The following ERG variants were observed in gnomAD, a reference collection of about 807,000 sequenced individuals.
ERG encodes the protein ETS transcription factor ERG.
A neutral mutation model predicts 55.3 loss-of-function variants in ERG; 9 were observed. The ratio of observed to expected loss-of-function variants is 0.16; its 90% CI spans 0.10 to 0.28. The LOEUF (loss-of-function observed/expected upper bound fraction) is 0.28, where lower values mean the gene tolerates loss of function less well. Ranked by LOEUF, ERG falls within the 10% of genes least tolerant of loss-of-function variation. The probability of loss-of-function intolerance (pLI) is 1.00; values close to 1 mark genes in which losing one functional copy is unlikely to be tolerated. For synonymous variants in ERG, 223 were observed against 237.3 expected (o/e 0.94, Z 0.55); for missense variants, 434 against 631.6 (o/e 0.69, Z 3.35).
chr21:38,452,779 TCA>T (rs2058953658), intron 1 of ERG, among the ~76,000 whole-genome samples: 1 of 152,242 alleles, frequency 6.6e-6, no homozygotes, highest in Non-Finnish European at 1.5e-5. Context: ...GGCTCTGGAC[TCA>T]CAGACTTTCT....
At chr21:38,571,012 G>A (rs2059954191) in intron 2 of ERG, among the ~76,000 whole-genome samples, 1 of 152,142 alleles carries the variant, frequency 6.6e-6, no homozygotes, top group Non-Finnish European at 1.5e-5. Context: ...GCAATCATGT[G>A]AATTTAAAAA....
intron 1 of ERG, among the ~76,000 whole-genome samples, chr21:38,638,689 C>T (rs188581100): frequency 1.7e-3 from 265 of 152,176 alleles, no homozygotes; most frequent in Middle Eastern, 3.4e-3. Flanking sequence ...TTGCAACATA[C>T]GACCCTGAGA....
upstream of ERG, among the ~76,000 whole-genome samples, chr21:38,589,064 C>G (rs1325401974): frequency 6.6e-6 from 1 of 152,178 alleles, no homozygotes; most frequent in Non-Finnish European, 1.5e-5. Flanking sequence ...GAATGACCAC[C>G]TTGTTCCCCA....
At chr21:38,604,090 TAA>T (rs369603620) in intron 1 of ERG, among the ~76,000 whole-genome samples, 7,779 of 143,964 alleles carry the variant, frequency 0.054, 613 homozygotes, top group African/African-American at 0.18. Context: ...CTACTAAAAA[TAA>T]AAAAAAAAAA....
intron 1 of ERG, among the ~76,000 whole-genome samples, chr21:38,659,194 C>T (rs959042778): frequency 6.6e-6 from 1 of 152,228 alleles, no homozygotes; most frequent in Non-Finnish European, 1.5e-5. Context: ...TGGCAAATAG[C>T]ATTTGTGATG....
chr21:38,477,011 T>TG (rs1315849597), intron 1 of ERG, among the ~76,000 whole-genome samples: 1 of 128,392 alleles, frequency 7.8e-6, no homozygotes, highest in East Asian at 2.2e-4. Flanking sequence ...TCTTTCCTTT[T>TG]TTTTTTTTTT....
At chr21:38,395,309 TACACCATCTCA>T in intron 6 of ERG, 1 of 228,874 alleles carries the variant, frequency 4.4e-6, no homozygotes, top group Non-Finnish European at 8.7e-6. Context: ...CTTTGGCAGC[TACACCATCTCA>T]AAACCTTCGT....
intron 2 of ERG, among the ~76,000 whole-genome samples, chr21:38,525,592 T>A (rs916849804): frequency 6.6e-6 from 1 of 152,188 alleles, no homozygotes; most frequent in Non-Finnish European, 1.5e-5. Flanking sequence ...TTTCTCTACC[T>A]CATCCCCCAC....
intron 3 of ERG, among the ~76,000 whole-genome samples, chr21:38,410,611 A>T (rs912734323): frequency 6.6e-6 from 1 of 152,054 alleles, no homozygotes; most frequent in South Asian, 2.1e-4. Context: ...GCTGACATTT[A>T]AAAAAAATAT....
chr21:38,402,997 C>T (rs936900475), intron 4 of ERG, among the ~76,000 whole-genome samples: 1 of 152,174 alleles, frequency 6.6e-6, no homozygotes, highest in Non-Finnish European at 1.5e-5. Context: ...TGGATTCATG[C>T]CAACATGCCA....
intron 1 of ERG, among the ~76,000 whole-genome samples, chr21:38,464,736 C>T (rs142154049): frequency 6.6e-6 from 1 of 152,000 alleles, no homozygotes; most frequent in East Asian, 1.9e-4. Context: ...CCCCGAGAGG[C>T]CCTGGTGTGT....
intron 1 of ERG, among the ~76,000 whole-genome samples, chr21:38,577,992 G>C (rs2060005317): frequency 6.6e-6 from 1 of 152,178 alleles, no homozygotes; most frequent in African/African-American, 2.4e-5. Flanking sequence ...TATGGAAGTG[G>C]GAGCTTCCCC....
Position 38,528,178 on chromosome 21 carries a change from T to C in ERG, c.-41+47484A>G, listed in dbSNP as rs375666815. ...CTCATATACCTGTCTGTCTCCAAATTTCCTCTTCTCATAAGGACACCAAGC... is the reference window on the plus strand; with the variant it reads ...CTCATATACCTGTCTGTCTCCAAATCTCCTCTTCTCATAAGGACACCAAGC... On this transcript the variant is annotated intron_variant, in intron 2 of 8. Transcript: ENST00000398897. Among the ~76,000 whole-genome samples, 14 of 152,274 alleles carry C rather than the reference T, an allele frequency of 9.2e-5. No homozygotes were observed. The East Asian group carries it at 2.1e-3, about 23-fold the overall frequency.
At chr21:38,439,474 T>C (rs1438621044) in intron 2 of ERG, among the ~76,000 whole-genome samples, 3 of 152,284 alleles carry the variant, frequency 2.0e-5, no homozygotes, top group Non-Finnish European at 4.4e-5. Flanking sequence ...GGAAAACAGC[T>C]GGTTTTAGTT....
downstream of ERG, among the ~76,000 whole-genome samples, chr21:38,379,502 A>ATT (rs146127356): frequency 4.7e-5 from 7 of 150,062 alleles, no homozygotes; most frequent in South Asian, 1.1e-3. Flanking sequence ...TGAAAAAACC[A>ATT]TTTTTTTTTT....
chr21:38,583,602 C>T (rs1490890206), intron 1 of ERG, among the ~76,000 whole-genome samples: 1 of 152,170 alleles, frequency 6.6e-6, no homozygotes, highest in Non-Finnish European at 1.5e-5. Flanking sequence ...TTCTCTCCCC[C>T]AGTTCATGCA....
chr21:38,538,466 G>A (rs2059727742), intron 2 of ERG, among the ~76,000 whole-genome samples: 1 of 151,906 alleles, frequency 6.6e-6, no homozygotes, highest in Admixed American at 6.6e-5. Context: ...TGTGTCCAAA[G>A]TGACCAAGTG....
chr21:38,638,832 C>G (rs865848069), intron 1 of ERG, among the ~76,000 whole-genome samples: 1 of 152,176 alleles, frequency 6.6e-6, no homozygotes, highest in Non-Finnish European at 1.5e-5. Flanking sequence ...CCTTTCTGAT[C>G]CCCTGCAGCC....
At chr21:38,496,218 C>A (rs1473060382) in intron 1 of ERG, among the ~76,000 whole-genome samples, 1 of 152,196 alleles carries the variant, frequency 6.6e-6, no homozygotes, top group Non-Finnish European at 1.5e-5. Flanking sequence ...AAACTCCACT[C>A]AAATGCAGAA....
Sources: gnomAD v4.1 joint callset for allele counts (sites outside exome capture counted in the v4.1 genomes callset) on GRCh38, gnomAD v4.1.1 for gene constraint, MANE v1.5 for transcripts, NCBI Gene and HGNC (gene_info 2026-07-23, HGNC 2026-07-21) for gene names.